Variants in ZNF335 observed in about 807,000 individuals in gnomAD.
ZNF335 encodes NRC-interacting factor 1.
Under a neutral mutation model 145.6 loss-of-function variants are expected in ZNF335, and 84 were observed. The ratio of observed to expected loss-of-function variants is 0.58; its 90% CI spans 0.48 to 0.69. ZNF335 has a LOEUF of 0.69. ZNF335 is among the 30% of genes least tolerant of loss of function. The pLI is 0.00. For missense variants in ZNF335, 1,865 were observed against 1,809.7 expected, an observed-to-expected ratio of 1.03 and a Z score of -0.55; for synonymous variants, 761 against 717.0, an observed-to-expected ratio of 1.06 and a Z score of -0.98.
chr20:45,950,892 C>G (rs1474931200), intron 20 of ZNF335, among the ~76,000 whole-genome samples: 1 of 152,018 alleles, frequency 6.6e-6, no homozygotes, highest in Non-Finnish European at 1.5e-5. Context: ...CCCATCGGGC[C>G]CTGAATTTTT....
chr20:45,955,897 C>T (rs2083720659), intron 17 of ZNF335, among the ~76,000 whole-genome samples: 2 of 151,958 alleles, frequency 1.3e-5, no homozygotes, highest in South Asian at 4.1e-4. Flanking sequence ...AACGAAAGAA[C>T]CCAGCCAATA....
chr20:45,950,652 C>A, intron 20 of ZNF335, 57 bp from the exon 21 acceptor site: 1 of 1,592,266 alleles, frequency 6.3e-7, no homozygotes, highest in Non-Finnish European at 8.6e-7. Flanking sequence ...GGCAACAAAT[C>A]CCCGGATCCC....
At chr20:45,962,648 G>A (rs1013374187) in intron 9 of ZNF335, among the ~76,000 whole-genome samples, 2 of 152,150 alleles carry the variant, frequency 1.3e-5, no homozygotes, top group African/African-American at 2.4e-5. Flanking sequence ...TGGCCAGGCC[G>A]AGCCACAGTT....
rs370168098 is a variant in ZNF335, at chr20:45,959,241, G to T, written c.2213C>A (p.Ala738Glu). 4.1e-6 allele frequency: 6 copies of T among 1,461,294 alleles called. No individual in the cohort carries two copies. The highest frequency in any genetic ancestry group is 5.5e-6 in the Non-Finnish European group (6 of 1,093,986). 90.5% of individuals were successfully genotyped at this position (1,461,294 alleles called of 1,614,324 possible). A position where few individuals can be genotyped will look rare whatever the true frequency, so the allele number is the denominator to read the frequency against. ...GGAACTGGGAGGTGGTCCAGGGGCC[G>T]CACTGTGCTGCTGCTTCAGCTCCTC... ...QIEELKQQHSAAPGPPPSSPG... is the reference protein window; with the variant it reads ...QIEELKQQHSEAPGPPPSSPG... Residue 738 changes from alanine to glutamate, a missense_variant, in exon 15 of 28, where the codon GCG (alanine) becomes GAG (glutamate). Ala to Glu is a moderately radical substitution (Grantham distance 107). Transcript: ENST00000322927.
At chr20:45,961,944 G>A in intron 10 of ZNF335, 126 bp downstream of exon 10, 5 of 752,122 alleles carry the variant, frequency 6.6e-6, no homozygotes, top group Non-Finnish European at 1.1e-5. Flanking sequence ...CATGCCTGTA[G>A]TGTGCAGCAA....
Position 45,963,611 on chromosome 20 carries a change from G to A in ZNF335, c.1395C>T (p.Phe465=). The A allele has an allele frequency of 1.9e-6, 3 of 1,614,222 alleles. No individual in the cohort carries two copies. The highest frequency in any genetic ancestry group is 1.7e-6 in the Non-Finnish European group (2 of 1,180,042). Residue 465 remains phenylalanine (F), a synonymous_variant, in exon 9 of 28, where the codon TTC becomes TTT. Transcript: ENST00000322927. ...YKSPKPLLRP[F]LCRICGSRFL... ...AGCGAGAACCACAGATGCGGCACAG[G>A]AAGGGCCTCAAAAGTGGTTTGGGCG...
Position 45,971,322 on chromosome 20 carries a change from C to G in ZNF335, c.89G>C (p.Gly30Ala). 1.3e-6 allele frequency: 2 copies of G among 1,596,598 alleles called. No individual in the cohort carries two copies. The highest frequency in any genetic ancestry group is 1.7e-6 in the Non-Finnish European group (2 of 1,178,212). Residue 30 changes from glycine to alanine, a missense_variant, in exon 2 of 28, where the codon GGC becomes GCC. Coordinates refer to ENST00000322927, the MANE Select transcript of ZNF335 (RefSeq NM_022095.4). ...EEPSESGLGV[G>A]TSEAVSADSS... ...GTCGGCGGACACGGCTTCTGAGGTGCCCACACCCAGGCCGCTCTCAGAGGG... is the reference window on the plus strand; with the variant it reads ...GTCGGCGGACACGGCTTCTGAGGTGGCCACACCCAGGCCGCTCTCAGAGGG...
intron 9 of ZNF335, among the ~76,000 whole-genome samples, chr20:45,962,457 G>C (rs952825651): frequency 1.3e-5 from 2 of 152,256 alleles, no homozygotes; most frequent in African/African-American, 4.8e-5. Context: ...TGCGATGGCA[G>C]AGCTTGGAGC....
Position 45,957,891 on chromosome 20 carries a change from GC to G in ZNF335, c.2290del (p.Ala764LeufsTer37). Reference protein sequence around the residue: ...PEATTFQSSEAPSLLCSDTLG... With the variant: ...PEATTFQSSEXPSLLCSDTLG... Reference sequence around the variant, plus strand: ...GGTGTCAGAACAGAGCAATGAGGGAGCCTCAGATGACTGGAAAGTTGTCGCC... The same window carrying G: ...GGTGTCAGAACAGAGCAATGAGGGAGCTCAGATGACTGGAAAGTTGTCGCC... On this transcript the variant is annotated frameshift_variant, in exon 16 of 28. Coordinates refer to ENST00000322927, the MANE Select transcript of ZNF335 (RefSeq NM_022095.4). LOFTEE classifies it high-confidence loss of function. 1 of 1,614,088 alleles carries G rather than the reference GC, an allele frequency of 6.2e-7. No homozygotes were observed. The highest frequency in any genetic ancestry group is 8.5e-7 in the Non-Finnish European group (1 of 1,180,032).
intron 19 of ZNF335, 28 bp from the exon 20 acceptor site, chr20:45,952,549 C>T (rs2083653724): frequency 1.2e-6 from 2 of 1,608,032 alleles, no homozygotes; most frequent in South Asian, 2.2e-5. Context: ...GCATGAGGTA[C>T]TGAGAAGGGG....
Position 45,960,565 on chromosome 20 carries a change from C to T in ZNF335, c.1783-40G>A, listed in dbSNP as rs747814194. The T allele has an allele frequency of 3.1e-6, 5 of 1,613,956 alleles. No homozygotes were observed. The East Asian group carries it at 8.9e-5, about 29-fold the overall frequency. On this transcript the variant is annotated intron_variant, in intron 12 of 27. Transcript: ENST00000322927. ...GAGCAGTGAGATGGCGATCACCCTC[C>T]ATCACCCAGGGGAGGCCCTCCTCTC...
At chr20:45,968,052 G>A in intron 4 of ZNF335, 25 bp from the exon 5 acceptor site, 2 of 1,611,870 alleles carry the variant, frequency 1.2e-6, no homozygotes, top group Admixed American at 1.7e-5. Flanking sequence ...GGCAATTGGA[G>A]GGTGGTTAAA....
chr20:45,954,046 C>T, intron 17 of ZNF335, 98 bp from the exon 18 acceptor site: 2 of 1,404,958 alleles, frequency 1.4e-6, no homozygotes, highest in Non-Finnish European at 1.9e-6. Context: ...TGCACCCACA[C>T]ACTCTAGTCA....
At chr20:45,962,297 C>T (rs1290009874) in intron 9 of ZNF335, 115 bp from the exon 10 acceptor site, 2 of 817,148 alleles carry the variant, frequency 2.4e-6, no homozygotes, top group South Asian at 1.5e-5. Context: ...TCACAGAACA[C>T]AGGCATGTGG....
Position 45,965,956 on chromosome 20 carries a change from G to A in ZNF335, c.956-182C>T, listed in dbSNP as rs74880664. ...CTTGGCGTTCCTGCCCTGAGCCCCTGAAGTTCTTTCTCTACCCTTCCTGGC... is the reference window on the plus strand; with the variant it reads ...CTTGGCGTTCCTGCCCTGAGCCCCTAAAGTTCTTTCTCTACCCTTCCTGGC... On this transcript the variant is annotated intron_variant, in intron 6 of 27. Transcript: ENST00000322927. Among the ~76,000 whole-genome samples, 5,400 of 152,176 alleles carry A rather than the reference G, an allele frequency of 0.035. 182 individuals are homozygous for A. Among genetic ancestry groups the A allele is most frequent in the African/African-American group, 0.081 (3,366 of 41,494 alleles).
At position 45,949,522 on chromosome 20, in the gene ZNF335, T is replaced by C; in HGVS notation, c.3716A>G (p.Gln1239Arg). ...SQDGVQHLLP[Q>R]EYVVVPEGHH... The stretch of plus-strand genomic sequence containing the variant: ...GCCTTCAGGGACCACAACATATTCC[T>C]GGGGGAGCAGGTGCTGGACACCATC... The change falls in exon 25 of 28, where the codon CAG becomes CGG. Residue 1239 changes from glutamine (Q) to arginine (R), a missense_variant. Transcript: ENST00000322927. The C allele has an allele frequency of 2.5e-6, 4 of 1,613,160 alleles. No individual in the cohort carries two copies. The highest frequency in any genetic ancestry group is 3.4e-6 in the Non-Finnish European group (4 of 1,179,842).
chr20:45,963,708 A>G (rs1345355126), intron 8 of ZNF335, 30 bp downstream of exon 8: 3 of 1,613,948 alleles, frequency 1.9e-6, no homozygotes, highest in African/African-American at 2.7e-5. Flanking sequence ...AACCACATGC[A>G]TGCCCCACCC....
chr20:45,971,402 C>T lies in ZNF335; in HGVS notation c.9G>A (p.Glu3=), dbSNP rs749056127. 1 of 1,600,378 alleles carries T rather than the reference C, an allele frequency of 6.2e-7. No homozygotes were observed. The highest frequency in any genetic ancestry group is 2.2e-5 in the East Asian group (1 of 44,868). ME[E]NEVESSSDAA... ...CGTCGCTGCTGCTCTCCACCTCGTTCTCCTCCATCTGATCGGCGGGCTGCC... is the reference window on the plus strand; with the variant it reads ...CGTCGCTGCTGCTCTCCACCTCGTTTTCCTCCATCTGATCGGCGGGCTGCC... The change falls in exon 2 of 28, where the codon GAG becomes GAA. Residue 3 remains glutamate (E), a synonymous_variant. Coordinates refer to ENST00000322927, the MANE Select transcript of ZNF335 (RefSeq NM_022095.4).
chr20:45,957,717 G>A (rs1357477926), intron 16 of ZNF335, 37 bp from the exon 17 acceptor site: 1 of 1,612,420 alleles, frequency 6.2e-7, no homozygotes, highest in Non-Finnish European at 8.5e-7. Context: ...CAAAGTGCTA[G>A]AAAACTGGCA....
Sources: gnomAD v4.1 joint callset for allele counts (sites outside exome capture counted in the v4.1 genomes callset) on GRCh38, gnomAD v4.1.1 for gene constraint, MANE v1.5 for transcripts, NCBI Gene and HGNC (gene_info 2026-07-23, HGNC 2026-07-21) for gene names.